The following SUMF1 variants were observed in gnomAD, a reference collection of about 807,000 sequenced individuals.
The protein encoded by SUMF1 is sulfatase modifying factor 1, also known as formylglycine-generating enzyme.
A neutral mutation model predicts 47.6 loss-of-function variants in SUMF1; 48 were observed. The ratio of observed to expected loss-of-function variants is 1.01; its 90% CI spans 0.80 to 1.28. The LOEUF is 1.28. Among genes scored for constraint, SUMF1 ranks in the 50% most tolerant of loss-of-function variants. The probability of loss-of-function intolerance (pLI) is 0.00; values close to 1 mark genes in which losing one functional copy is unlikely to be tolerated. For missense variants in SUMF1, 571 were observed against 485.4 expected, an observed-to-expected ratio of 1.18 and a Z score of -1.66; for synonymous variants, 230 against 192.1, an observed-to-expected ratio of 1.20 and a Z score of -1.63.
chr3:4,324,063 G>A (rs895462597), intron 8 of SUMF1, among the ~76,000 whole-genome samples: 2 of 152,072 alleles, frequency 1.3e-5, no homozygotes, highest in African/African-American at 2.4e-5. Context: ...GACAGCATAA[G>A]TGATAGCTTA....
intron 8 of SUMF1, among the ~76,000 whole-genome samples, chr3:4,105,333 A>G (rs1693134398): frequency 6.6e-6 from 1 of 152,152 alleles, no homozygotes; most frequent in South Asian, 2.1e-4. Flanking sequence ...GATTATAGTT[A>G]ATAACAATGT....
chr3:4,384,278 A>T (rs1455194269), intron 7 of SUMF1, among the ~76,000 whole-genome samples: 1 of 152,222 alleles, frequency 6.6e-6, no homozygotes, highest in Non-Finnish European at 1.5e-5. Flanking sequence ...ATTATGGGTA[A>T]CCGTTGATTC....
At chr3:4,131,508 G>A (rs1693788357) in intron 8 of SUMF1, among the ~76,000 whole-genome samples, 1 of 152,182 alleles carries the variant, frequency 6.6e-6, no homozygotes, top group Admixed American at 6.5e-5. Flanking sequence ...CAGCAGTGAA[G>A]GGAAATCTTC....
intron 8 of SUMF1, among the ~76,000 whole-genome samples, chr3:4,337,492 G>A (rs1161941792): frequency 2.0e-5 from 3 of 151,810 alleles, no homozygotes; most frequent in East Asian, 1.9e-4. Flanking sequence ...TAATGCTCCC[G>A]GATTTATAAG....
rs1351653657 is a variant in SUMF1, at chr3:4,361,345, G to C, written c.*799C>G. On this transcript the variant is annotated 3_prime_UTR_variant, in exon 9 of 9. Transcript: ENST00000272902. The stretch of plus-strand genomic sequence containing the variant: ...TAGCGCACATTTCACGTTCGCTGAA[G>C]GCTTTGGGGAGAGGGGGAAACAGAG... 1.3e-5 allele frequency: 2 copies of C among 152,544 alleles called. No individual in the cohort carries two copies. Among genetic ancestry groups the C allele is most frequent in the African/African-American group, 4.8e-5 (2 of 41,414 alleles). The allele number at this position is 152,544 out of a possible 1,614,324, so 9.4% of individuals were successfully genotyped here.
chr3:4,195,125 T>A (rs1695400873), intron 8 of SUMF1, among the ~76,000 whole-genome samples: 2 of 152,120 alleles, frequency 1.3e-5, no homozygotes, highest in Admixed American at 6.6e-5. Context: ...AACACAAATT[T>A]GGCTCATTTA....
At chr3:4,355,198 T>TA (rs1010222537) in intron 8 of SUMF1, among the ~76,000 whole-genome samples, 7 of 151,602 alleles carry the variant, frequency 4.6e-5, no homozygotes, top group Non-Finnish European at 7.4e-5. Context: ...AAATAAAAAA[T>TA]AAAAAAAACT....
chr3:4,317,078 T>C, intron 8 of SUMF1: 1 of 1,549,232 alleles, frequency 6.5e-7, no homozygotes, highest in Non-Finnish European at 8.7e-7. Flanking sequence ...TCTTTAAGCA[T>C]CTCAACAACT....
intron 8 of SUMF1, among the ~76,000 whole-genome samples, chr3:4,210,188 C>A (rs897493186): frequency 6.6e-6 from 1 of 152,148 alleles, no homozygotes; most frequent in African/African-American, 2.4e-5. Context: ...AGCCACTGTG[C>A]CCGGCCAAAA....
At position 4,269,074 on chromosome 3, in the gene SUMF1, A is replaced by G. The variant is rs545470921; in HGVS notation, c.1014+107256T>C. Among the ~76,000 whole-genome samples the G allele has an allele frequency of 9.9e-5, 15 of 152,270 alleles. No individual in the cohort carries two copies. In the South Asian group the frequency reaches 2.9e-3, roughly 29 times the overall value. On this transcript the variant is annotated intron_variant and NMD_transcript_variant, in intron 8 of 12. Transcript: ENST00000448413. The stretch of plus-strand genomic sequence containing the variant: ...AAGTGAACATACCTCTGGAAACACC[A>G]CCCAGATCAGTGATGATCCTTGCCT...
At chr3:4,434,808 C>T (rs1702344284) in intron 3 of SUMF1, among the ~76,000 whole-genome samples, 1 of 151,846 alleles carries the variant, frequency 6.6e-6, no homozygotes, top group East Asian at 1.9e-4. Context: ...GTTGATTTTG[C>T]TGGAAAAAAA....
At chr3:4,396,617 A>G (rs185873051) in intron 7 of SUMF1, among the ~76,000 whole-genome samples, 1 of 152,202 alleles carries the variant, frequency 6.6e-6, no homozygotes, top group African/African-American at 2.4e-5. Flanking sequence ...CACATGTCCA[A>G]ATCCTTTTAT....
chr3:4,268,079 C>G (rs1202340637), intron 8 of SUMF1, among the ~76,000 whole-genome samples: 1 of 152,192 alleles, frequency 6.6e-6, no homozygotes, highest in African/African-American at 2.4e-5. Flanking sequence ...AGTTCATGTT[C>G]TTTGTAGGGA....
intron 8 of SUMF1, among the ~76,000 whole-genome samples, chr3:4,086,480 C>G (rs572919801): frequency 6.6e-6 from 1 of 151,960 alleles, no homozygotes; most frequent in Non-Finnish European, 1.5e-5. Flanking sequence ...GTCTCATGCC[C>G]GATCTGTCAT....
At chr3:4,091,889 A>T (rs1162102791) in intron 8 of SUMF1, among the ~76,000 whole-genome samples, 2 of 148,274 alleles carry the variant, frequency 1.3e-5, no homozygotes, top group African/African-American at 4.9e-5. Flanking sequence ...GTGCAATTTA[A>T]AAAAAAAAAA....
intron 1 of SUMF1, among the ~76,000 whole-genome samples, chr3:4,455,212 T>C (rs1184487651): frequency 6.6e-6 from 1 of 152,186 alleles, no homozygotes; most frequent in Non-Finnish European, 1.5e-5. Flanking sequence ...AGCTTAGGAA[T>C]TGTCAAGTTC....
chr3:4,125,674 T>G (rs1329537567), intron 8 of SUMF1, among the ~76,000 whole-genome samples: 2 of 152,022 alleles, frequency 1.3e-5, no homozygotes, highest in Admixed American at 1.3e-4. Flanking sequence ...CATAATCAAT[T>G]ATTATTTGTT....
chr3:4,227,768 G>A (rs987527548), intron 8 of SUMF1, among the ~76,000 whole-genome samples: 1 of 152,134 alleles, frequency 6.6e-6, no homozygotes, highest in African/African-American at 2.4e-5. Flanking sequence ...TAAAATGCAG[G>A]AGGCATTGCT....
chr3:4,129,076 C>T (rs182053257), intron 8 of SUMF1, among the ~76,000 whole-genome samples: 2 of 152,248 alleles, frequency 1.3e-5, no homozygotes, highest in East Asian at 3.9e-4. Context: ...TGGGAGGATA[C>T]AGAAGATAAA....
Sources: gnomAD v4.1 joint callset for allele counts (sites outside exome capture counted in the v4.1 genomes callset) on GRCh38, gnomAD v4.1.1 for gene constraint, MANE v1.5 for transcripts, NCBI Gene and HGNC (gene_info 2026-07-23, HGNC 2026-07-21) for gene names.